TNRC6A: variants seen among roughly 807,000 people sequenced by gnomAD.
The protein encoded by TNRC6A is trinucleotide repeat containing adaptor 6A.
Under a neutral mutation model 221.2 loss-of-function variants are expected in TNRC6A, and 44 were observed. That is an observed-to-expected ratio of 0.20 (90% CI 0.16 to 0.26). TNRC6A has a LOEUF of 0.26. Among genes scored for constraint, TNRC6A ranks in the 10% least tolerant of loss-of-function variants. The pLI is 1.00. For missense variants in TNRC6A, 2,199 were observed against 2,404.4 expected (o/e 0.91, Z 1.79); for synonymous variants, 847 against 838.5 (o/e 1.01, Z -0.18).
chr16:24,682,819 C>T (rs115244243), intron 2 of TNRC6A, among the ~76,000 whole-genome samples: 1 of 152,126 alleles, frequency 6.6e-6, no homozygotes, highest in Non-Finnish European at 1.5e-5. Flanking sequence ...CCCTATTGGT[C>T]AAAACCAATG....
In TNRC6A at chr16:24,824,178, A is replaced by T. The variant is rs2058829508; in HGVS notation, c.*371A>T. 8.1e-6 allele frequency: 1 copy of T among 123,142 alleles called. No individual in the cohort carries two copies. The allele number at this position is 123,142 out of a possible 1,614,324, so 7.6% of individuals were successfully genotyped here. A position where few individuals can be genotyped will look rare whatever the true frequency, so the allele number is the denominator to read the frequency against. ...TCTTGCAAAACCATTTTTTGGGCTG[A>T]TAACGTATGAGCTTTTCCCTTTGCA... On this transcript the variant is annotated 3_prime_UTR_variant, in exon 25 of 25. Coordinates refer to ENST00000395799, the MANE Select transcript of TNRC6A (RefSeq NM_014494.4).
intron 2 of TNRC6A, among the ~76,000 whole-genome samples, chr16:24,735,432 G>A (rs1037728847): frequency 2.0e-5 from 3 of 152,178 alleles, no homozygotes; most frequent in African/African-American, 7.2e-5. Context: ...CTTTTGCTTT[G>A]CTGTGATACG....
At chr16:24,613,399 C>T (rs1596533167) in intron 1 of TNRC6A, among the ~76,000 whole-genome samples, 2 of 151,536 alleles carry the variant, frequency 1.3e-5, no homozygotes, top group African/African-American at 4.8e-5. Flanking sequence ...TGGCTAATGA[C>T]TTGGATTTCA....
intron 21 of TNRC6A, chr16:24,819,523 T>C (rs558821345): frequency 4.7e-5 from 7 of 150,138 alleles, no homozygotes; most frequent in Admixed American, 2.0e-4. Flanking sequence ...TTTTTGTTTT[T>C]TTGTTTTTTT....
chr16:24,786,300 T>TG (rs1555504639), intron 5 of TNRC6A, among the ~76,000 whole-genome samples: 93 of 116,988 alleles, frequency 7.9e-4, no homozygotes, highest in Middle Eastern at 4.8e-3. Flanking sequence ...TTTGTTTTTT[T>TG]TTGTTGTTGT....
intron 2 of TNRC6A, among the ~76,000 whole-genome samples, chr16:24,686,228 A>C (rs533326595): frequency 2.0e-5 from 3 of 151,972 alleles, no homozygotes; most frequent in Non-Finnish European, 4.4e-5. Flanking sequence ...GTCTGGGCAA[A>C]AGCCTGGGGT....
At chr16:24,806,537 C>G (rs760826564) in intron 16 of TNRC6A, 37 bp from the exon 17 acceptor site, 4 of 1,608,774 alleles carry the variant, frequency 2.5e-6, no homozygotes, top group South Asian at 2.2e-5. Context: ...AGACGTTTTC[C>G]CCCAGTAATT....
chr16:24,816,778 G>A, intron 19 of TNRC6A, 38 bp from the exon 20 acceptor site: 2 of 1,587,486 alleles, frequency 1.3e-6, no homozygotes, highest in Non-Finnish European at 1.7e-6. Flanking sequence ...TTAAAATGAT[G>A]ATTAAGCTTT....
chr16:24,687,944 CTTTTCTTTTCTTT>C (rs1567357365), intron 2 of TNRC6A, among the ~76,000 whole-genome samples: 2 of 111,360 alleles, frequency 1.8e-5, no homozygotes, highest in Admixed American at 2.1e-4. Flanking sequence ...CTTTTCTTTT[CTTTTCTTTTCTTT>C]TTTTTTTTTT....
chr16:24,743,437 C>T (rs1001089311), intron 2 of TNRC6A, among the ~76,000 whole-genome samples: 20 of 151,978 alleles, frequency 1.3e-4, no homozygotes, highest in Admixed American at 5.9e-4. Flanking sequence ...GTGATCTTCC[C>T]GCCTCATCCT....
At chr16:24,618,796 A>AT (rs35385866) in intron 1 of TNRC6A, among the ~76,000 whole-genome samples, 55 of 142,954 alleles carry the variant, frequency 3.8e-4, no homozygotes, top group Admixed American at 4.9e-4. Flanking sequence ...ACACCTGGCT[A>AT]TTTTTTTTTT....
At chr16:24,780,488 G>A (rs1006341139) in intron 5 of TNRC6A, among the ~76,000 whole-genome samples, 10 of 152,146 alleles carry the variant, frequency 6.6e-5, no homozygotes, top group Admixed American at 5.2e-4. Flanking sequence ...GTTGTCCCAA[G>A]AATGTATTGC....
intron 1 of TNRC6A, among the ~76,000 whole-genome samples, chr16:24,628,811 C>T (rs1487729751): frequency 6.8e-6 from 1 of 147,106 alleles, no homozygotes; most frequent in Non-Finnish European, 1.5e-5. Context: ...CCCTAACTCC[C>T]ACATTGTTCA....
In TNRC6A at chr16:24,825,322, G is replaced by A. The variant is rs1413360103; in HGVS notation, c.*1515G>A. On this transcript the variant is annotated 3_prime_UTR_variant, in exon 25 of 25. Coordinates refer to ENST00000395799, the MANE Select transcript of TNRC6A (RefSeq NM_014494.4). The stretch of plus-strand genomic sequence containing the variant: ...ATCATTGCCTTGATTCTAACTGTTT[G>A]TGTCCTAAGATGCAAAAGAAGTCAG... 6.6e-6 allele frequency: 1 copy of A among 152,580 alleles called. No individual in the cohort carries two copies. The highest frequency in any genetic ancestry group is 1.5e-5 in the Non-Finnish European group (1 of 68,028). The allele number at this position is 152,580 out of a possible 1,614,324, so 9.5% of individuals were successfully genotyped here. A position where few individuals can be genotyped will look rare whatever the true frequency, so the allele number is the denominator to read the frequency against.
intron 4 of TNRC6A, among the ~76,000 whole-genome samples, chr16:24,760,827 C>T (rs2151515552): frequency 6.6e-6 from 1 of 152,274 alleles, no homozygotes; most frequent in East Asian, 1.9e-4. Context: ...CGATTATTAG[C>T]ATCTTACATT....
intron 1 of TNRC6A, among the ~76,000 whole-genome samples, chr16:24,629,883 G>A (rs1312283678): frequency 1.3e-5 from 2 of 151,666 alleles, no homozygotes; most frequent in South Asian, 2.1e-4. Flanking sequence ...GAGCCAGGAG[G>A]ATCACCTGAG....
At chr16:24,819,918 T>TA (rs1231258630) in intron 21 of TNRC6A, among the ~76,000 whole-genome samples, 5 of 152,206 alleles carry the variant, frequency 3.3e-5, no homozygotes, top group African/African-American at 1.2e-4. Context: ...TCATAGGTCT[T>TA]ACAGCTGTTA....
chr16:24,728,687 T>G (rs577504368), upstream of TNRC6A, among the ~76,000 whole-genome samples: 8 of 152,358 alleles, frequency 5.3e-5, no homozygotes, highest in African/African-American at 1.7e-4. Flanking sequence ...TATTGTTGTA[T>G]CTACCTGCAG....
intron 2 of TNRC6A, among the ~76,000 whole-genome samples, chr16:24,687,788 GAGA>G (rs2055655972): frequency 7.3e-6 from 1 of 136,714 alleles, no homozygotes; most frequent in Non-Finnish European, 1.6e-5. Flanking sequence ...GACAGAGCAA[GAGA>G]AGGAGAAGGA....
Sources: gnomAD v4.1 joint callset for allele counts (sites outside exome capture counted in the v4.1 genomes callset) on GRCh38, gnomAD v4.1.1 for gene constraint, MANE v1.5 for transcripts, NCBI Gene and HGNC (gene_info 2026-07-23, HGNC 2026-07-21) for gene names.